NRG3: variants seen among roughly 807,000 people sequenced by gnomAD.
NRG3 encodes the protein pro-neuregulin-3, membrane-bound isoform.
A neutral mutation model predicts 66.9 loss-of-function variants in NRG3; 31 were observed. The observed-to-expected ratio is 0.46, with a 90% CI of 0.35 to 0.63. NRG3 has a LOEUF of 0.63. Among genes scored for constraint, NRG3 ranks in the 20% least tolerant of loss-of-function variants. The pLI is 0.00. For missense variants in NRG3, 910 were observed against 878.9 expected, an observed-to-expected ratio of 1.04 and a Z score of -0.45; for synonymous variants, 393 against 359.4, an observed-to-expected ratio of 1.09 and a Z score of -1.06.
At chr10:82,853,960 G>A (rs1364099659) in intron 3 of NRG3, among the ~76,000 whole-genome samples, 4 of 152,216 alleles carry the variant, frequency 2.6e-5, no homozygotes, top group Non-Finnish European at 4.4e-5. Flanking sequence ...TTATGACTTC[G>A]AGGTATGTCT....
intron 2 of NRG3, among the ~76,000 whole-genome samples, chr10:82,479,709 T>C (rs1159146244): frequency 1.4e-5 from 2 of 147,700 alleles, no homozygotes; most frequent in East Asian, 4.0e-4. Context: ...GGCTCATGCC[T>C]GTAATCCCAG....
At chr10:82,695,261 C>G (rs1001230469) in intron 2 of NRG3, among the ~76,000 whole-genome samples, 9 of 151,844 alleles carry the variant, frequency 5.9e-5, no homozygotes, top group African/African-American at 2.2e-4. Context: ...ATTTAATGTC[C>G]CATCTAATTC....
intron 1 of NRG3, among the ~76,000 whole-genome samples, chr10:82,241,373 A>G (rs1197220708): frequency 1.3e-5 from 2 of 152,084 alleles, no homozygotes; most frequent in South Asian, 4.1e-4. Flanking sequence ...TAAAATGTCT[A>G]TATCTGACAG....
chr10:82,727,635 A>T (rs2057675642), intron 2 of NRG3, among the ~76,000 whole-genome samples: 1 of 152,234 alleles, frequency 6.6e-6, no homozygotes, highest in South Asian at 2.1e-4. Context: ...AACCTCTGCT[A>T]GGGCAGTGCA....
intron 4 of NRG3, among the ~76,000 whole-genome samples, chr10:82,883,161 C>A (rs1415648204): frequency 6.6e-6 from 1 of 151,972 alleles, no homozygotes; most frequent in Non-Finnish European, 1.5e-5. Context: ...AGAAGGCATG[C>A]CTTTTTTTCT....
At chr10:82,435,538 T>C (rs2090082284) in intron 2 of NRG3, among the ~76,000 whole-genome samples, 1 of 152,122 alleles carries the variant, frequency 6.6e-6, no homozygotes, top group African/African-American at 2.4e-5. Flanking sequence ...ATTCTGATGT[T>C]AAGTTGTCGA....
In NRG3 at chr10:82,985,648, G is replaced by A. The variant is rs1022434368; in HGVS notation, c.*43G>A. 6.4e-7 allele frequency: 1 copy of A among 1,552,062 alleles called. No homozygotes were observed. The highest frequency in any genetic ancestry group is 8.6e-7 in the Non-Finnish European group (1 of 1,156,826). On this transcript the variant is annotated 3_prime_UTR_variant, in exon 9 of 9. Transcript: ENST00000372141. ...TGTGCATTCTATGCTTTGCTCAACA[G>A]GAAAGAGAGGAAATCAAATACAAAT...
intron 1 of NRG3, among the ~76,000 whole-genome samples, chr10:82,052,863 G>A (rs541106204): frequency 6.6e-6 from 1 of 152,058 alleles, no homozygotes; most frequent in Non-Finnish European, 1.5e-5. Context: ...TTTTCTTTTG[G>A]TCTTGTTTCC....
At chr10:82,896,812 C>T (rs1254135600) in intron 4 of NRG3, among the ~76,000 whole-genome samples, 1 of 152,174 alleles carries the variant, frequency 6.6e-6, no homozygotes, top group Non-Finnish European at 1.5e-5. Context: ...ACCATCATTG[C>T]TAGGGACTAG....
chr10:82,321,577 C>T (rs777321289), intron 1 of NRG3, among the ~76,000 whole-genome samples: 1 of 152,104 alleles, frequency 6.6e-6, no homozygotes, highest in Admixed American at 6.6e-5. Context: ...TCTAATTTGC[C>T]TAATAGTGAT....
chr10:82,836,547 A>T (rs1042392693), intron 3 of NRG3, among the ~76,000 whole-genome samples: 3 of 152,134 alleles, frequency 2.0e-5, no homozygotes, highest in African/African-American at 7.2e-5. Context: ...ACTGAACACA[A>T]TACCTTTAGC....
intron 2 of NRG3, among the ~76,000 whole-genome samples, chr10:82,397,350 T>C (rs1368291405): frequency 6.6e-6 from 1 of 152,196 alleles, no homozygotes; most frequent in Non-Finnish European, 1.5e-5. Context: ...AATCTTGAAG[T>C]TGAATTATTA....
At chr10:82,584,079 G>A (rs924415036) in intron 2 of NRG3, among the ~76,000 whole-genome samples, 2 of 152,036 alleles carry the variant, frequency 1.3e-5, no homozygotes, top group Admixed American at 6.6e-5. Context: ...TGTTGTTGAT[G>A]TTTCATTTGA....
intron 1 of NRG3, among the ~76,000 whole-genome samples, chr10:81,975,815 A>G (rs188115599): frequency 1.2e-4 from 19 of 152,328 alleles, no homozygotes; most frequent in Admixed American, 2.6e-4. Context: ...TAAAGAGAAT[A>G]TCTTGCATTA....
At chr10:82,615,125 T>C (rs1313753448) in intron 2 of NRG3, among the ~76,000 whole-genome samples, 1 of 152,224 alleles carries the variant, frequency 6.6e-6, no homozygotes, top group Non-Finnish European at 1.5e-5. Context: ...CTTCTTCAAA[T>C]GCTTGTTAAT....
chr10:82,058,004 A>G (rs1450807422), intron 1 of NRG3, among the ~76,000 whole-genome samples: 3 of 151,564 alleles, frequency 2.0e-5, no homozygotes, highest in Admixed American at 1.3e-4. Context: ...AAAGCCTTCT[A>G]AAGAATTCCC....
At chr10:82,290,400 C>A (rs2134583465) in intron 1 of NRG3, among the ~76,000 whole-genome samples, 1 of 152,146 alleles carries the variant, frequency 6.6e-6, no homozygotes, top group African/African-American at 2.4e-5. Context: ...TAGTATTGTC[C>A]ACATTATATA....
chr10:82,315,650 A>G (rs1480396131), intron 1 of NRG3, among the ~76,000 whole-genome samples: 2 of 151,376 alleles, frequency 1.3e-5, no homozygotes, highest in African/African-American at 2.4e-5. Context: ...AAGACAACAG[A>G]ATCATATACG....
intron 2 of NRG3, among the ~76,000 whole-genome samples, chr10:82,410,134 G>T (rs946833074): frequency 4.6e-5 from 7 of 152,044 alleles, no homozygotes; most frequent in East Asian, 1.9e-4. Flanking sequence ...TGTAAAAAGA[G>T]AATTAAGGTT....
Sources: allele counts gnomAD v4.1 joint callset (sites outside exome capture counted in the v4.1 genomes callset), GRCh38; gene constraint gnomAD v4.1.1; transcripts MANE v1.5; gene names NCBI Gene and HGNC (gene_info 2026-07-23, HGNC 2026-07-21).